CREM: variants seen among roughly 807,000 people sequenced by gnomAD.
CREM encodes the protein cAMP responsive element modulator.
CREM carries 13 observed loss-of-function variants against 37.3 expected under a neutral mutation model. The ratio of observed to expected loss-of-function variants is 0.35; its 90% CI spans 0.23 to 0.55. The LOEUF (loss-of-function observed/expected upper bound fraction) is 0.55. CREM is among the 20% of genes least tolerant of loss of function. The pLI, the probability that CREM is intolerant of heterozygous loss-of-function variation, is 0.88. For synonymous variants in CREM, 124 were observed against 120.2 expected (o/e 1.03, Z -0.21); for missense variants, 296 against 362.3 (o/e 0.82, Z 1.49).
At chr10:35,152,671 G>A (rs192349822) in intron 3 of CREM, among the ~76,000 whole-genome samples, 115 of 152,198 alleles carry the variant, frequency 7.6e-4, no homozygotes, top group African/African-American at 2.4e-3. Context: ...GACTAGACTC[G>A]CTGGATTCTG....
At chr10:35,144,162 G>C (rs775277612) in intron 2 of CREM, among the ~76,000 whole-genome samples, 3 of 152,166 alleles carry the variant, frequency 2.0e-5, no homozygotes, top group Admixed American at 6.5e-5. Context: ...TGTGGTGATG[G>C]GAGGTTACAG....
At chr10:35,193,651 A>T (rs991567232) in intron 6 of CREM, among the ~76,000 whole-genome samples, 6 of 152,166 alleles carry the variant, frequency 3.9e-5, no homozygotes, top group African/African-American at 1.4e-4. Flanking sequence ...ATCCTGGAGA[A>T]TTACTAGAAA....
intron 3 of CREM, among the ~76,000 whole-genome samples, chr10:35,171,702 A>G (rs921594072): frequency 6.6e-6 from 1 of 152,086 alleles, no homozygotes; most frequent in Non-Finnish European, 1.5e-5. Context: ...TACTTGTAGG[A>G]CCCCTGGGTT....
chr10:35,133,634 T>C (rs1323758819), intron 1 of CREM, among the ~76,000 whole-genome samples: 11 of 152,222 alleles, frequency 7.2e-5, no homozygotes, highest in Admixed American at 4.6e-4. Context: ...AAAGCAAAAC[T>C]GTGTTTATTG....
In CREM at chr10:35,192,351, C is replaced by CGTTTT. The variant is rs1052340027; in HGVS notation, c.598+3975_598+3979dup. Among the ~76,000 whole-genome samples, 5 of 152,112 alleles carry CGTTTT rather than the reference C, an allele frequency of 3.3e-5. No homozygotes were observed. The East Asian group carries it at 7.7e-4, about 24-fold the overall frequency. ...GCATTGCACTTGTTTTGTTTTGTTT[C>CGTTTT]GTTTTGTTTTGTTTTGAGACAGAGT... On this transcript the variant is annotated intron_variant, in intron 6 of 7. Transcript: ENST00000685392.
At chr10:35,207,681 A>G (rs1565009633) in intron 7 of CREM, among the ~76,000 whole-genome samples, 2 of 152,012 alleles carry the variant, frequency 1.3e-5, no homozygotes, top group East Asian at 3.9e-4. Flanking sequence ...GGCTGAGGCA[A>G]GAGAATCACT....
chr10:35,145,728 G>C (rs916710150), intron 2 of CREM, among the ~76,000 whole-genome samples: 1 of 131,786 alleles, frequency 7.6e-6, no homozygotes, highest in Non-Finnish European at 1.5e-5. Flanking sequence ...GCAGTGAGCC[G>C]AGATGCCTCT....
intron 2 of CREM, among the ~76,000 whole-genome samples, chr10:35,145,482 T>C (rs1205012711): frequency 1.3e-5 from 2 of 152,202 alleles, no homozygotes; most frequent in East Asian, 3.8e-4. Context: ...ATATATCACA[T>C]GATTCAAGAA....
intron 3 of CREM, among the ~76,000 whole-genome samples, chr10:35,168,518 A>G (rs1387968667): frequency 1.3e-5 from 2 of 152,184 alleles, no homozygotes. Flanking sequence ...AGATGAGTAG[A>G]TTGCAAAAAT....
intron 3 of CREM, among the ~76,000 whole-genome samples, chr10:35,151,951 C>CAAGG (rs1425900482): frequency 2.0e-5 from 3 of 152,116 alleles, no homozygotes; most frequent in Non-Finnish European, 2.9e-5. Flanking sequence ...ATATGTCTTA[C>CAAGG]AAGGAGTAGG....
chr10:35,131,393 A>G (rs925425158), intron 1 of CREM, among the ~76,000 whole-genome samples: 2 of 152,212 alleles, frequency 1.3e-5, no homozygotes, highest in South Asian at 2.1e-4. Flanking sequence ...TAGAATAGCA[A>G]AATAGCAGAT....
Position 35,137,754 on chromosome 10 carries a change from C to T in CREM, c.-54-28C>T, listed in dbSNP as rs1248046720. On this transcript the variant is annotated intron_variant, in intron 1 of 7. Coordinates refer to ENST00000685392, the MANE Select transcript of CREM (RefSeq NM_183011.2). ...TTTTGAAGTGAAATGTTACGATCTC[C>T]CAATTCAACATTATAATTTTACTGC... The T allele has an allele frequency of 6.7e-6, 7 of 1,038,944 alleles. 1 individual carries two copies. The Admixed American group carries it at 1.4e-4, about 21-fold the overall frequency. 64.4% of individuals were successfully genotyped at this position (1,038,944 alleles called of 1,614,324 possible). A position where few individuals can be genotyped will look rare whatever the true frequency, so the allele number is the denominator to read the frequency against.
chr10:35,157,370 C>A (rs1370926150), intron 3 of CREM, among the ~76,000 whole-genome samples: 1 of 152,084 alleles, frequency 6.6e-6, no homozygotes, highest in Non-Finnish European at 1.5e-5. Flanking sequence ...GTGGCTCACA[C>A]CTGTAATCCC....
chr10:35,178,990 A>C lies in CREM; in HGVS notation c.266+4A>C, dbSNP rs758501977. 5 of 1,592,720 alleles carry C rather than the reference A, an allele frequency of 3.1e-6. No individual in the cohort carries two copies. The East Asian group carries it at 1.1e-4, about 36-fold the overall frequency. ...TTTCACGAAGACCCTCTTATAGGTA[A>C]GTTAACCAAGTTTCCTAATGTAAAG... On this transcript the variant is annotated splice_donor_region_variant and intron_variant, in intron 4 of 7. Coordinates refer to ENST00000685392, the MANE Select transcript of CREM (RefSeq NM_183011.2).
intron 1 of CREM, among the ~76,000 whole-genome samples, chr10:35,133,635 G>C (rs2089872329): frequency 6.6e-6 from 1 of 152,224 alleles, no homozygotes; most frequent in Admixed American, 6.5e-5. Flanking sequence ...AAGCAAAACT[G>C]TGTTTATTGT....
In CREM at chr10:35,207,027, G is replaced by A; in HGVS notation, c.731G>A (p.Arg244Gln). The A allele has an allele frequency of 6.2e-7, 1 of 1,613,724 alleles. No homozygotes were observed. The highest frequency in any genetic ancestry group is 8.5e-7 in the Non-Finnish European group (1 of 1,179,818). ...CTGGCAGAAGAAGCAACACGCAAAC[G>A]AGAGCTGAGGCTAATGAAAAACAGG... ...QQLAEEATRK[R>Q]ELRLMKNREA... Residue 244 changes from arginine (R) to glutamine (Q), a missense_variant, in exon 7 of 8, where the codon CGA becomes CAA. Coordinates refer to ENST00000685392, the MANE Select transcript of CREM (RefSeq NM_183011.2).
At chr10:35,186,979 ATG>A (rs2094595389) in intron 5 of CREM, among the ~76,000 whole-genome samples, 1 of 94,626 alleles carries the variant, frequency 1.1e-5, no homozygotes, top group Non-Finnish European at 1.8e-5. Context: ...TATATATTAT[ATG>A]TGATATATAT....
chr10:35,166,433 C>T (rs1209695166), intron 3 of CREM, among the ~76,000 whole-genome samples: 2 of 151,986 alleles, frequency 1.3e-5, no homozygotes, highest in African/African-American at 4.8e-5. Context: ...TGGTGACAGG[C>T]ACCTGTAATC....
At chr10:35,135,009 G>C (rs1343418580) in intron 1 of CREM, among the ~76,000 whole-genome samples, 1 of 151,214 alleles carries the variant, frequency 6.6e-6, no homozygotes, top group African/African-American at 2.4e-5. Context: ...CTGCACTCCA[G>C]CCTGGGCGAC....
Sources: gnomAD v4.1 joint callset for allele counts (sites outside exome capture counted in the v4.1 genomes callset) on GRCh38, gnomAD v4.1.1 for gene constraint, MANE v1.5 for transcripts, NCBI Gene and HGNC (gene_info 2026-07-23, HGNC 2026-07-21) for gene names.